Variants in DLC1 observed in about 807,000 individuals in gnomAD.
DLC1 encodes DLC1 Rho GTPase activating protein.
A neutral mutation model predicts 140.3 loss-of-function variants in DLC1; 54 were observed. The ratio of observed to expected loss-of-function variants is 0.38; its 90% confidence interval spans 0.31 to 0.48. DLC1 has a LOEUF of 0.48. DLC1 is among the 20% of genes least tolerant of loss of function. The pLI, the probability that DLC1 is intolerant of heterozygous loss-of-function variation, is 0.96. For synonymous variants in DLC1, 986 were observed against 728.1 expected (o/e 1.35, Z -5.70); for missense variants, 2,536 against 1,907.0 (o/e 1.33, Z -6.14).
chr8:13,434,833 A>C (rs1839043744), intron 2 of DLC1, among the ~76,000 whole-genome samples: 1 of 151,928 alleles, frequency 6.6e-6, no homozygotes, highest in Admixed American at 6.6e-5. Context: ...CCCTGCTCCA[A>C]CACACCTGGC....
chr8:13,339,264 C>T (rs1833934674), intron 4 of DLC1, among the ~76,000 whole-genome samples: 1 of 152,148 alleles, frequency 6.6e-6, no homozygotes, highest in Non-Finnish European at 1.5e-5. Flanking sequence ...GCTTCCAACT[C>T]ACGGAGGACA....
intron 5 of DLC1, among the ~76,000 whole-genome samples, chr8:13,187,649 C>A (rs940450233): frequency 6.6e-6 from 1 of 152,124 alleles, no homozygotes; most frequent in Non-Finnish European, 1.5e-5. Flanking sequence ...ATTGGAGATA[C>A]TATGTGGGAA....
At chr8:13,476,372 C>T (rs1800434187) in intron 2 of DLC1, among the ~76,000 whole-genome samples, 1 of 151,920 alleles carries the variant, frequency 6.6e-6, no homozygotes, top group South Asian at 2.1e-4. Flanking sequence ...AAGTGTATTT[C>T]AGTAATTCGA....
intron 5 of DLC1, among the ~76,000 whole-genome samples, chr8:13,298,841 C>T: frequency 6.6e-6 from 1 of 152,144 alleles, no homozygotes; most frequent in Non-Finnish European, 1.5e-5. Flanking sequence ...AACAAATCTG[C>T]ACTTGTACCC....
chr8:13,429,974 C>G (rs916432887), intron 2 of DLC1, among the ~76,000 whole-genome samples: 2 of 152,096 alleles, frequency 1.3e-5, no homozygotes, highest in Non-Finnish European at 2.9e-5. Flanking sequence ...ATAGGTGGTT[C>G]TTAACCATGA....
chr8:13,425,893 CTATT>C (rs1838553031), intron 2 of DLC1, among the ~76,000 whole-genome samples: 1 of 152,128 alleles, frequency 6.6e-6, no homozygotes, highest in African/African-American at 2.4e-5. Context: ...TGATTGTCCT[CTATT>C]TAGAACAAGT....
chr8:13,245,261 G>A (rs149540388), intron 5 of DLC1, among the ~76,000 whole-genome samples: 1 of 152,308 alleles, frequency 6.6e-6, no homozygotes, highest in Non-Finnish European at 1.5e-5. Context: ...TCAACCAGCA[G>A]GCACTAAAGA....
chr8:13,483,291 AG>A lies in DLC1; in HGVS notation c.1023+15757del, dbSNP rs1800821111. ...ATCCTTAACTTGATTACATCTGCAA[AG>A]ACCCTTTTTCCAAACAAGATCATAT... On this transcript the variant is annotated intron_variant, in intron 2 of 17. Coordinates refer to ENST00000276297, the MANE Select transcript of DLC1 (RefSeq NM_182643.3). 2.0e-5 allele frequency among the ~76,000 whole-genome samples: 3 copies of A among 152,306 alleles called. No individual in the cohort carries two copies. The South Asian group carries it at 6.2e-4, about 32-fold the overall frequency.
At chr8:13,294,900 G>T (rs1246446139) in intron 5 of DLC1, among the ~76,000 whole-genome samples, 1 of 152,158 alleles carries the variant, frequency 6.6e-6, no homozygotes, top group Non-Finnish European at 1.5e-5. Context: ...TCATAGGGTC[G>T]CTAGGGGATT....
intron 1 of DLC1, among the ~76,000 whole-genome samples, chr8:13,528,270 C>T (rs1167291093): frequency 6.6e-6 from 1 of 152,076 alleles, no homozygotes; most frequent in South Asian, 2.1e-4. Flanking sequence ...TTGGATAAAA[C>T]AATACACCAA....
chr8:13,594,956 C>A (rs560324023), intron 1 of DLC1, among the ~76,000 whole-genome samples: 1 of 151,182 alleles, frequency 6.6e-6, no homozygotes, highest in Non-Finnish European at 1.5e-5. Context: ...GATTCTTAAT[C>A]TTTGATTCCT....
intron 5 of DLC1, among the ~76,000 whole-genome samples, chr8:13,160,571 C>T (rs142451318): frequency 6.6e-6 from 1 of 152,316 alleles, no homozygotes; most frequent in Non-Finnish European, 1.5e-5. Flanking sequence ...AGGAATCTCT[C>T]CTTACTTTCT....
intron 2 of DLC1, among the ~76,000 whole-genome samples, chr8:13,425,963 C>T (rs1194728635): frequency 6.6e-6 from 1 of 152,092 alleles, no homozygotes; most frequent in East Asian, 1.9e-4. Context: ...CAGGCATGCA[C>T]CACCACATCT....
intron 1 of DLC1, among the ~76,000 whole-genome samples, chr8:13,524,108 TTTATTATTA>T (rs77161996): frequency 0.29 from 40,357 of 138,480 alleles, 6,241 homozygotes; most frequent in South Asian, 0.46. Flanking sequence ...ATCTATTCTA[TTTATTATTA>T]TTATTATTAT....
Position 13,098,893 on chromosome 8 carries a change from G to C in DLC1, c.2991-318C>G, listed in dbSNP as rs115717159. 9.6e-3 allele frequency among the ~76,000 whole-genome samples: 1,460 copies of C among 152,232 alleles called. 26 individuals carry two copies. Among genetic ancestry groups the C allele is most frequent in the African/African-American group, 0.033 (1,390 of 41,552 alleles). ...GGCCTCCCAAAGTATTGGATTACAA[G>C]TGTGAGCCACTGTGCCTGGCCCAAA... On this transcript the variant is annotated intron_variant, in intron 9 of 17. Coordinates refer to ENST00000276297, the MANE Select transcript of DLC1 (RefSeq NM_182643.3).
intron 4 of DLC1, among the ~76,000 whole-genome samples, chr8:13,380,182 A>C (rs2117155780): frequency 6.6e-6 from 1 of 152,342 alleles, no homozygotes; most frequent in South Asian, 2.1e-4. Context: ...CATAATAGAA[A>C]ATTATGTCAT....
intron 2 of DLC1, among the ~76,000 whole-genome samples, chr8:13,486,255 AT>A (rs1800963498): frequency 6.6e-6 from 1 of 152,184 alleles, no homozygotes; most frequent in Non-Finnish European, 1.5e-5. Context: ...AACAAAGCTC[AT>A]TTTAGACTCC....
intron 2 of DLC1, among the ~76,000 whole-genome samples, chr8:13,491,340 A>G (rs1194688439): frequency 6.6e-6 from 1 of 151,942 alleles, no homozygotes; most frequent in Middle Eastern, 3.2e-3. Context: ...TCATAGTGAC[A>G]TTACCCAGAA....
At position 13,102,858 on chromosome 8, in the gene DLC1, A is replaced by G. The variant is rs1563602971; in HGVS notation, c.1503-5T>C. 6.2e-7 allele frequency: 1 copy of G among 1,613,342 alleles called. No individual in the cohort carries two copies. The highest frequency in any genetic ancestry group is 8.5e-7 in the Non-Finnish European group (1 of 1,179,786). Reference sequence around the variant, plus strand: ...TTGTTTAAAGTATTTAGACGCCTATAGAGCAAAGAAATAACGTTAGCAAAG... The same window carrying G: ...TTGTTTAAAGTATTTAGACGCCTATGGAGCAAAGAAATAACGTTAGCAAAG... On this transcript the variant is annotated splice_polypyrimidine_tract_variant and splice_region_variant and intron_variant, in intron 7 of 17. Coordinates refer to ENST00000276297, the MANE Select transcript of DLC1 (RefSeq NM_182643.3).
Sources: gnomAD v4.1 joint callset for allele counts (sites outside exome capture counted in the v4.1 genomes callset) on GRCh38, gnomAD v4.1.1 for gene constraint, MANE v1.5 for transcripts, NCBI Gene and HGNC (gene_info 2026-07-23, HGNC 2026-07-21) for gene names.